Variants in CSMD1 observed in about 807,000 individuals in gnomAD.
The protein encoded by CSMD1 is CUB and Sushi multiple domains 1.
A neutral mutation model predicts 417.5 loss-of-function variants in CSMD1; 213 were observed. The ratio of observed to expected loss-of-function variants is 0.51; its 90% CI spans 0.46 to 0.57. The LOEUF is 0.57. Ranked by LOEUF, CSMD1 falls within the 20% of genes least tolerant of loss-of-function variation. The probability of loss-of-function intolerance (pLI) is 0.00; values close to 1 mark genes in which losing one functional copy is unlikely to be tolerated. For missense variants in CSMD1, 6,923 were observed against 4,529.7 expected (o/e 1.53, Z -15.17); for synonymous variants, 2,862 against 1,736.8 (o/e 1.65, Z -16.11).
At chr8:3,886,709 C>T (rs375277912) in intron 5 of CSMD1, among the ~76,000 whole-genome samples, 1 of 152,152 alleles carries the variant, frequency 6.6e-6, no homozygotes. Context: ...TTATGGAAGT[C>T]TTAATCTAGT....
chr8:4,553,475 C>A (rs1244330965), intron 2 of CSMD1, among the ~76,000 whole-genome samples: 4 of 148,450 alleles, frequency 2.7e-5, no homozygotes, highest in Non-Finnish European at 4.5e-5. Context: ...GAAAGCAAAC[C>A]ATTTTATTCA....
At chr8:4,157,934 G>T (rs977880771) in intron 3 of CSMD1, among the ~76,000 whole-genome samples, 1 of 152,182 alleles carries the variant, frequency 6.6e-6, no homozygotes, top group African/African-American at 2.4e-5. Flanking sequence ...TAAGCAAGCT[G>T]TAAGGTTCAG....
chr8:3,805,627 T>C (rs1800688153), intron 5 of CSMD1, among the ~76,000 whole-genome samples: 1 of 152,176 alleles, frequency 6.6e-6, no homozygotes, highest in Non-Finnish European at 1.5e-5. Flanking sequence ...AGAAAGGATA[T>C]TACCTTGGTG....
chr8:4,092,198 T>C (rs1011827855), intron 3 of CSMD1, among the ~76,000 whole-genome samples: 4 of 152,126 alleles, frequency 2.6e-5, no homozygotes, highest in Non-Finnish European at 4.4e-5. Flanking sequence ...TTAATAGACA[T>C]GTATTGATAA....
intron 12 of CSMD1, among the ~76,000 whole-genome samples, chr8:3,439,302 T>TAC (rs1563390471): frequency 0.016 from 799 of 49,624 alleles, 39 homozygotes; most frequent in African/African-American, 0.085. Context: ...TATATATATA[T>TAC]ATATATATTT....
intron 8 of CSMD1, among the ~76,000 whole-genome samples, chr8:3,586,924 T>A (rs1360009778): frequency 6.6e-6 from 1 of 152,142 alleles, no homozygotes; most frequent in Non-Finnish European, 1.5e-5. Flanking sequence ...CTCAGCCTCC[T>A]GAGTAGCTGG....
At chr8:4,117,186 A>T (rs535109551) in intron 3 of CSMD1, among the ~76,000 whole-genome samples, 1 of 151,546 alleles carries the variant, frequency 6.6e-6, no homozygotes, top group African/African-American at 2.4e-5. Context: ...ATTCATCTCG[A>T]TGGTTGCTGG....
chr8:3,576,451 C>T (rs940859386), intron 9 of CSMD1, among the ~76,000 whole-genome samples: 2 of 152,042 alleles, frequency 1.3e-5, no homozygotes. Flanking sequence ...CACTGTGTAC[C>T]ACGCTGCAGT....
intron 5 of CSMD1, among the ~76,000 whole-genome samples, chr8:3,924,834 T>A (rs889991876): frequency 2.0e-5 from 3 of 152,174 alleles, no homozygotes; most frequent in South Asian, 2.1e-4. Context: ...ATAATTTTAA[T>A]TTTTTTGTCA....
At chr8:3,341,026 C>G (rs941770778) in intron 23 of CSMD1, among the ~76,000 whole-genome samples, 1 of 152,178 alleles carries the variant, frequency 6.6e-6, no homozygotes, top group African/African-American at 2.4e-5. Context: ...AAAGTGCCCA[C>G]AAACAGATGA....
intron 10 of CSMD1, among the ~76,000 whole-genome samples, chr8:3,551,634 T>C (rs1798920231): frequency 6.6e-6 from 1 of 150,502 alleles, no homozygotes; most frequent in Non-Finnish European, 1.5e-5. Context: ...CATTATGTTC[T>C]TTCCGGTGCT....
At chr8:3,602,610 T>G (rs1209891792) in intron 8 of CSMD1, among the ~76,000 whole-genome samples, 1 of 152,086 alleles carries the variant, frequency 6.6e-6, no homozygotes, top group Non-Finnish European at 1.5e-5. Flanking sequence ...TATTCTAAAG[T>G]AGAATATGGC....
intron 5 of CSMD1, among the ~76,000 whole-genome samples, chr8:3,995,785 C>T (rs940661890): frequency 2.2e-4 from 34 of 152,286 alleles, no homozygotes; most frequent in African/African-American, 8.2e-4. Context: ...ACAACTCTAT[C>T]CCCGGCTAAT....
chr8:4,644,434 GTC>G (rs1472320456), intron 1 of CSMD1, among the ~76,000 whole-genome samples: 36 of 151,916 alleles, frequency 2.4e-4, no homozygotes, highest in African/African-American at 3.4e-4. Context: ...TTGAGACAGA[GTC>G]TCTCTCTGTC....
intron 1 of CSMD1, among the ~76,000 whole-genome samples, chr8:4,737,138 G>A (rs1300058241): frequency 4.0e-5 from 6 of 149,780 alleles, no homozygotes; most frequent in Admixed American, 3.3e-4. Context: ...TCCATACCAT[G>A]GAATATTATG....
In CSMD1 at chr8:3,903,769, T is replaced by G. The variant is rs114749770; in HGVS notation, c.818+94134A>C. Among the ~76,000 whole-genome samples, 1,071 of 152,220 alleles carry G rather than the reference T, an allele frequency of 7.0e-3. 16 individuals are homozygous for G. The highest frequency in any genetic ancestry group is 0.025 in the African/African-American group (1,027 of 41,530). ...GTGATGGACTTTGCCACCTCCCAAT[T>G]GAGTCCACATTTGAGCCTCTCGGAT... On this transcript the variant is annotated intron_variant, in intron 5 of 69. Transcript: ENST00000635120.
intron 5 of CSMD1, among the ~76,000 whole-genome samples, chr8:3,873,824 G>A (rs1313594155): frequency 6.6e-6 from 1 of 152,140 alleles, no homozygotes; most frequent in Non-Finnish European, 1.5e-5. Flanking sequence ...ACATGGTCAC[G>A]GTGTTTGTAG....
chr8:4,736,545 G>A lies in CSMD1; in HGVS notation c.86-98987C>T, dbSNP rs191630265. 6.0e-3 allele frequency among the ~76,000 whole-genome samples: 914 copies of A among 152,262 alleles called. 13 individuals are homozygous for A. The highest frequency in any genetic ancestry group is 0.02 in the African/African-American group (844 of 41,554). On this transcript the variant is annotated intron_variant, in intron 1 of 69. Coordinates refer to ENST00000635120, the MANE Select transcript of CSMD1 (RefSeq NM_033225.6). Reference sequence around the variant, plus strand: ...GGCCATGACAGCATGACAGCTGCGGGAAAACCCCAGGGAAGGTGAACACTC... The same window carrying A: ...GGCCATGACAGCATGACAGCTGCGGAAAAACCCCAGGGAAGGTGAACACTC...
chr8:4,507,837 G>A (rs766553653), intron 2 of CSMD1, among the ~76,000 whole-genome samples: 2 of 152,118 alleles, frequency 1.3e-5, no homozygotes, highest in Non-Finnish European at 2.9e-5. Flanking sequence ...AGGTTTCTTT[G>A]GAGCTGAAGG....
Sources: gnomAD v4.1 joint callset for allele counts (sites outside exome capture counted in the v4.1 genomes callset) on GRCh38, gnomAD v4.1.1 for gene constraint, MANE v1.5 for transcripts, NCBI Gene and HGNC (gene_info 2026-07-23, HGNC 2026-07-21) for gene names.